Variants in CYP4F12 observed in about 807,000 individuals in gnomAD.
CYP4F12 encodes cytochrome P450 4F12.
CYP4F12 carries 60 observed loss-of-function variants against 56.5 expected under a neutral mutation model. The observed-to-expected ratio is 1.06, with a 90% CI of 0.86 to 1.32. The LOEUF is 1.32. Among genes scored for constraint, CYP4F12 ranks in the 40% most tolerant of loss-of-function variants. The pLI, the probability that CYP4F12 is intolerant of heterozygous loss-of-function variation, is 0.00. For missense variants in CYP4F12, 711 were observed against 683.5 expected, an observed-to-expected ratio of 1.04 and a Z score of -0.45; for synonymous variants, 263 against 264.9, an observed-to-expected ratio of 0.99 and a Z score of 0.07.
Position 15,673,673 on chromosome 19 carries a change from C to G in CYP4F12, c.144C>G (p.Leu48=). Residue 48 remains leucine (L), a synonymous_variant, in exon 2 of 13, where the codon CTC becomes CTG. Transcript: ENST00000550308. ...CCTTCTATAACAACTGCCGCCGGCT[C>G]CAGTGTTTCCCACAGCCCCCAAAAC... The part of the protein sequence containing the change: ...TYAFYNNCRR[L]QCFPQPPKRN... The G allele has an allele frequency of 1.9e-6, 3 of 1,614,158 alleles. No individual in the cohort carries two copies. The South Asian group carries it at 3.3e-5, about 18-fold the overall frequency.
intron 2 of CYP4F12, among the ~76,000 whole-genome samples, chr19:15,675,237 C>T (rs1331295824): frequency 2.7e-5 from 2 of 74,300 alleles, no homozygotes; most frequent in African/African-American, 1.0e-4. Context: ...CGGCCCTCCC[C>T]TTTGGGGGAT....
chr19:15,679,234 C>T (rs594851), intron 3 of CYP4F12, among the ~76,000 whole-genome samples: 3,744 of 152,186 alleles, frequency 0.025, 16 homozygotes, highest in African/African-American at 0.086. Flanking sequence ...AACTCAACTT[C>T]GTGTGCTCTA....
In CYP4F12 at chr19:15,695,921, G is replaced by T. The variant is rs770149735; in HGVS notation, c.1116-15G>T. On this transcript the variant is annotated splice_polypyrimidine_tract_variant and intron_variant, in intron 9 of 12. Transcript: ENST00000550308. ...TGTTCCCTTGATAATGACTGGGGCT[G>T]GGGTGTTTCCTTAGGGACGACCTGG... is the stretch of plus-strand genomic sequence containing the variant. 6.2e-7 allele frequency: 1 copy of T among 1,609,636 alleles called. No individual in the cohort carries two copies. The highest frequency in any genetic ancestry group is 2.2e-5 in the East Asian group (1 of 44,810).
In CYP4F12 at chr19:15,693,607, G is replaced by C. The variant is rs649724; in HGVS notation, c.1116-2329G>C. On this transcript the variant is annotated intron_variant, in intron 9 of 12. Transcript: ENST00000550308. ...ATATTAGCCCTCTGTCAGATGAGTA[G>C]GTTGCGAAAATTTTCTCCCATTTTG... Among the ~76,000 whole-genome samples, 6 of 142,512 alleles carry C rather than the reference G, an allele frequency of 4.2e-5. 1 individual carries two copies. Among genetic ancestry groups the C allele is most frequent in the African/African-American group, 1.6e-4 (6 of 37,366 alleles). 93.5% of individuals were successfully genotyped at this position (142,512 alleles called of 152,430 possible).
chr19:15,680,202 C>T (rs770757229), intron 3 of CYP4F12, 42 bp from the exon 4 acceptor site: 2 of 1,565,634 alleles, frequency 1.3e-6, no homozygotes, highest in Non-Finnish European at 1.7e-6. Flanking sequence ...AAGTTCCTCT[C>T]TTGCCCTCTA....
At chr19:15,682,095 T>C (rs2007329982) in intron 5 of CYP4F12, 1 of 284,844 alleles carries the variant, frequency 3.5e-6, no homozygotes, top group Non-Finnish European at 6.9e-6. Flanking sequence ...TTGACCGTTA[T>C]TGAATATTTG....
At chr19:15,678,560 T>C in intron 3 of CYP4F12, 155 bp downstream of exon 3, 1 of 1,071,360 alleles carries the variant, frequency 9.3e-7, no homozygotes, top group Non-Finnish European at 1.3e-6. Flanking sequence ...GTCTTGGTGT[T>C]CTGGGCACCA....
At chr19:15,685,579 T>C (rs949721238) in intron 9 of CYP4F12, among the ~76,000 whole-genome samples, 2 of 152,174 alleles carry the variant, frequency 1.3e-5, no homozygotes, top group African/African-American at 4.8e-5. Context: ...AATTCTTCCA[T>C]TATTGCTTAG....
At chr19:15,677,871 C>T (rs111212001) in intron 2 of CYP4F12, among the ~76,000 whole-genome samples, 308 of 1,442 alleles carry the variant, frequency 0.21, 146 homozygotes, top group East Asian at 1. Flanking sequence ...CATTCCTCTC[C>T]TCACTCACTC....
intron 1 of CYP4F12, 34 bp downstream of exon 1, chr19:15,673,169 C>G (rs1040152097): frequency 2.4e-4 from 114 of 474,796 alleles, no homozygotes; most frequent in Middle Eastern, 1.3e-3. Flanking sequence ...CTGGAAGGTC[C>G]TGGCCTGGGA....
At position 15,687,374 on chromosome 19, in the gene CYP4F12, G is replaced by T. The variant is rs1373431741; in HGVS notation, c.1115+2177G>T. On this transcript the variant is annotated intron_variant, in intron 9 of 12. Transcript: ENST00000550308. ...CCCTCCAGAAGATGGCTATCTTGATGCCCACTTTATAAGAACACAGACTTC... is the reference window on the plus strand; with the variant it reads ...CCCTCCAGAAGATGGCTATCTTGATTCCCACTTTATAAGAACACAGACTTC... 3.3e-5 allele frequency among the ~76,000 whole-genome samples: 5 copies of T among 152,050 alleles called. No homozygotes were observed. In the East Asian group the frequency reaches 7.7e-4, roughly 23 times the overall value.
In CYP4F12 at chr19:15,680,469, A is replaced by G; in HGVS notation, c.475A>G (p.Ile159Val). 2 of 1,614,174 alleles carry G rather than the reference A, an allele frequency of 1.2e-6. No homozygotes were observed. The highest frequency in any genetic ancestry group is 1.7e-6 in the Non-Finnish European group (2 of 1,180,034). The change falls in exon 5 of 13, where the codon ATC (isoleucine) becomes GTC (valine). Residue 159 changes from isoleucine to valine, a missense_variant. Ile to Val is a conservative substitution (Grantham distance 29, BLOSUM62 3). Coordinates refer to ENST00000550308, the MANE Select transcript of CYP4F12 (RefSeq NM_023944.4). ...GCTGACGCCCGCCTTCCATTTCAAC[A>G]TCCTGAAGTCCTATATAACGATCTT... is the stretch of plus-strand genomic sequence containing the variant. ...RMLTPAFHFN[I>V]LKSYITIFNK...
At chr19:15,696,577 C>CCATCT in intron 12 of CYP4F12, 65 bp downstream of exon 12, 1 of 1,529,572 alleles carries the variant, frequency 6.5e-7, no homozygotes, top group Non-Finnish European at 8.9e-7. Context: ...AAAAGGGGGA[C>CCATCT]GTTGCAGATG....
intron 9 of CYP4F12, among the ~76,000 whole-genome samples, chr19:15,690,758 G>C (rs998410286): frequency 6.6e-6 from 1 of 152,128 alleles, no homozygotes; most frequent in African/African-American, 2.4e-5. Context: ...GTTTCTTCTT[G>C]CACTCAATGA....
Position 15,696,008 on chromosome 19 carries a change from C to T in CYP4F12, c.1188C>T (p.Pro396=). ...GCCTGAGGTTACATCCCCCAGCTCCCTTCATCTCCCGATGCTGCACCCAGG... is the reference window on the plus strand; with the variant it reads ...GCCTGAGGTTACATCCCCCAGCTCCTTTCATCTCCCGATGCTGCACCCAGG... The part of the protein sequence containing the change: ...KESLRLHPPA[P]FISRCCTQDI... Residue 396 remains proline (P), a synonymous_variant, in exon 10 of 13, where the codon CCC becomes CCT. Coordinates refer to ENST00000550308, the MANE Select transcript of CYP4F12 (RefSeq NM_023944.4). The T allele has an allele frequency of 6.2e-7, 1 of 1,614,052 alleles. No individual in the cohort carries two copies. The highest frequency in any genetic ancestry group is 8.5e-7 in the Non-Finnish European group (1 of 1,179,972).
Position 15,695,941 on chromosome 19 carries a change from A to C in CYP4F12, c.1121A>C (p.Asp374Ala). Residue 374 changes from aspartate to alanine, a missense_variant, in exon 10 of 13, where the codon GAC becomes GCC. Asp to Ala is a moderately radical substitution (Grantham distance 126). Coordinates refer to ENST00000550308, the MANE Select transcript of CYP4F12 (RefSeq NM_023944.4). ...GGGCTGGGGTGTTTCCTTAGGGACG[A>C]CCTGGCCCAGCTGCCCTTCCTGACC... ...DRDPKEIEWD[D>A]LAQLPFLTMC... 1 of 1,613,002 alleles carries C rather than the reference A, an allele frequency of 6.2e-7. No homozygotes were observed. Among genetic ancestry groups the C allele is most frequent in the Non-Finnish European group, 8.5e-7 (1 of 1,179,636 alleles).
intron 1 of CYP4F12, 46 bp from the exon 2 acceptor site, chr19:15,673,483 T>C (rs1393440401): frequency 2.6e-6 from 4 of 1,566,118 alleles, no homozygotes; most frequent in Non-Finnish European, 1.7e-6. Flanking sequence ...CCCGGAGCTC[T>C]TCCCTGGGCC....
At chr19:15,693,255 A>C (rs2007959786) in intron 9 of CYP4F12, among the ~76,000 whole-genome samples, 1 of 152,238 alleles carries the variant, frequency 6.6e-6, no homozygotes, top group Non-Finnish European at 1.5e-5. Flanking sequence ...TATAGTTTTC[A>C]AATTCTGAAC....
At chr19:15,675,773 G>T (rs2006890092) in intron 2 of CYP4F12, among the ~76,000 whole-genome samples, 1 of 152,148 alleles carries the variant, frequency 6.6e-6, no homozygotes, top group Non-Finnish European at 1.5e-5. Flanking sequence ...CACATCCGGT[G>T]GCTGTGGGGG....
Sources: gnomAD v4.1 joint callset for allele counts (sites outside exome capture counted in the v4.1 genomes callset) on GRCh38, gnomAD v4.1.1 for gene constraint, MANE v1.5 for transcripts, NCBI Gene and HGNC (gene_info 2026-07-23, HGNC 2026-07-21) for gene names.